Variants in MMP2 observed in about 807,000 individuals in gnomAD.
MMP2 encodes matrix metallopeptidase 2.
A neutral mutation model predicts 74.8 loss-of-function variants in MMP2; 39 were observed. That is an observed-to-expected ratio of 0.52 (90% CI 0.40 to 0.68). The LOEUF (loss-of-function observed/expected upper bound fraction) is 0.68. Among genes scored for constraint, MMP2 ranks in the 30% least tolerant of loss-of-function variants. The probability of loss-of-function intolerance (pLI) is 0.00; values close to 1 mark genes in which losing one functional copy is unlikely to be tolerated. For missense variants in MMP2, 803 were observed against 878.3 expected, an observed-to-expected ratio of 0.91 and a Z score of 1.08; for synonymous variants, 367 against 339.8, an observed-to-expected ratio of 1.08 and a Z score of -0.88.
At chr16:55,483,330 C>T (rs1962156645) in intron 2 of MMP2, among the ~76,000 whole-genome samples, 195 bp downstream of exon 2, 1 of 152,174 alleles carries the variant, frequency 6.6e-6, no homozygotes, top group Non-Finnish European at 1.5e-5. Context: ...GGCCATGAGA[C>T]ATTGGGTTAC....
chr16:55,494,085 C>T (rs1437339647), intron 9 of MMP2, among the ~76,000 whole-genome samples: 1 of 152,190 alleles, frequency 6.6e-6, no homozygotes. Flanking sequence ...CATCCATCAT[C>T]CATCCAGCCA....
chr16:55,480,791 A>G (rs1055837714), intron 1 of MMP2, among the ~76,000 whole-genome samples: 4 of 151,736 alleles, frequency 2.6e-5, no homozygotes, highest in Admixed American at 6.6e-5. Context: ...CCCTCTCCCA[A>G]CTCTCACCCT....
At position 55,505,322 on chromosome 16, in the gene MMP2, T is replaced by C; in HGVS notation, c.1880-17T>C. 9 of 1,608,878 alleles carry C rather than the reference T, an allele frequency of 5.6e-6. 1 individual carries two copies. Among genetic ancestry groups the C allele is most frequent in the Non-Finnish European group, 7.7e-6 (9 of 1,175,210 alleles). ...GTCAGGATAAGGGGGTCACGGTCTC[T>C]TCTTTCTCTATCCCAGGTCACAGCT... On this transcript the variant is annotated splice_polypyrimidine_tract_variant and intron_variant, in intron 12 of 12. Transcript: ENST00000219070.
At position 55,479,318 on chromosome 16, in the gene MMP2, C is replaced by G; in HGVS notation, c.-162C>G. 1 of 799,726 alleles carries G rather than the reference C, an allele frequency of 1.3e-6. No individual in the cohort carries two copies. Among genetic ancestry groups the G allele is most frequent in the Non-Finnish European group, 1.7e-6 (1 of 598,816 alleles). 49.5% of individuals were successfully genotyped at this position (799,726 alleles called of 1,614,324 possible). On this transcript the variant is annotated 5_prime_UTR_variant, in exon 1 of 13. Coordinates refer to ENST00000219070, the MANE Select transcript of MMP2 (RefSeq NM_004530.6). ...GCGGCGGGGGCTGGGGCGCGGGGGC[C>G]GGACCATGAGCCGCTGAGCCGGGCA...
At chr16:55,496,616 GCACT>G (rs1314745799) in intron 9 of MMP2, among the ~76,000 whole-genome samples, 3 of 152,146 alleles carry the variant, frequency 2.0e-5, no homozygotes, top group Non-Finnish European at 4.4e-5. Flanking sequence ...ACTGTTCCAG[GCACT>G]CAGAGTTGAT....
Position 55,479,446 on chromosome 16 carries a change from C to A in MMP2, c.-34C>A. 6.8e-7 allele frequency: 1 copy of A among 1,464,744 alleles called. No individual in the cohort carries two copies. The highest frequency in any genetic ancestry group is 9.0e-7 in the Non-Finnish European group (1 of 1,112,744). 90.7% of individuals were successfully genotyped at this position (1,464,744 alleles called of 1,614,324 possible). On this transcript the variant is annotated 5_prime_UTR_variant, in exon 1 of 13. Transcript: ENST00000219070. ...CGGCCACACGCACCGAGCCAGCGACCCCCGGGCGACGCGCGGGGCCAGGGA... is the reference window on the plus strand; with the variant it reads ...CGGCCACACGCACCGAGCCAGCGACACCCGGGCGACGCGCGGGGCCAGGGA...
Position 55,493,242 on chromosome 16 carries a change from T to A in MMP2, c.1421T>A (p.Val474Glu). ...VTPEICKQDI[V>E]FDGIAQIRGE... ...CCTGAGATCTGCAAACAGGACATTG[T>A]ATTTGATGGCATCGCTCAGATCCGT... Residue 474 changes from valine (V) to glutamate (E), a missense_variant, in exon 9 of 13, where the codon GTA becomes GAA. This residue lies in a region of MMP2 where 555 missense variants were observed against 592.0 expected (regional missense o/e 0.94). Coordinates refer to ENST00000219070, the MANE Select transcript of MMP2 (RefSeq NM_004530.6). 6.2e-7 allele frequency: 1 copy of A among 1,614,168 alleles called. No individual in the cohort carries two copies. Among genetic ancestry groups the A allele is most frequent in the Non-Finnish European group, 8.5e-7 (1 of 1,180,034 alleles).
intron 9 of MMP2, 89 bp from the exon 10 acceptor site, chr16:55,496,837 A>T (rs1433470409): frequency 1.6e-5 from 25 of 1,548,646 alleles, no homozygotes; most frequent in Admixed American, 1.7e-5. Flanking sequence ...CATCTCTGGG[A>T]TGTTTCTGGG....
At chr16:55,490,972 C>T (rs17859930) in intron 7 of MMP2, among the ~76,000 whole-genome samples, 53,531 of 151,804 alleles carry the variant, frequency 0.35, 10,336 homozygotes, top group Non-Finnish European at 0.44. Flanking sequence ...AAAATCACGG[C>T]GTCAGTAAGG....
At chr16:55,505,307 G>A (rs1359481116) in intron 12 of MMP2, 32 bp from the exon 13 acceptor site, 1 of 1,561,880 alleles carries the variant, frequency 6.4e-7, no homozygotes, top group East Asian at 2.2e-5. Flanking sequence ...GTCAGGATAA[G>A]GGGGTCACGG....
intron 12 of MMP2, 42 bp downstream of exon 12, chr16:55,502,930 C>A: frequency 6.6e-7 from 1 of 1,515,280 alleles, no homozygotes. Context: ...GGACTCCCCG[C>A]CCCTAGCCAG....
intron 7 of MMP2, 23 bp from the exon 8 acceptor site, chr16:55,491,778 T>G: frequency 6.2e-7 from 1 of 1,614,064 alleles, no homozygotes. Flanking sequence ...CTTTCAACCC[T>G]CTCTCCTCCC....
chr16:55,489,504 G>T, intron 6 of MMP2, 147 bp from the exon 7 acceptor site: 2 of 940,296 alleles, frequency 2.1e-6, no homozygotes, highest in Admixed American at 3.4e-5. Context: ...GCTGTTGTCA[G>T]GGGTGGGTGA....
At chr16:55,500,113 CTT>C (rs1158763058) in intron 11 of MMP2, among the ~76,000 whole-genome samples, 2 of 152,092 alleles carry the variant, frequency 1.3e-5, no homozygotes, top group Non-Finnish European at 2.9e-5. Flanking sequence ...TGCTAAGACA[CTT>C]AGCAACCTAA....
rs1962395147 is a variant in MMP2, at chr16:55,491,122, TGGCATGATCTC to T, written c.1181-675_1181-665del. Among the ~76,000 whole-genome samples, 4 of 151,374 alleles carry T rather than the reference TGGCATGATCTC, an allele frequency of 2.6e-5. No homozygotes were observed. The South Asian group carries it at 6.3e-4, about 24-fold the overall frequency. ...TTGCTCTTGCCCAGCTGGAGTGCAG[TGGCATGATCTC>T]GGCTCACTGCAACCTCTGCCTCCTG... is the stretch of plus-strand genomic sequence containing the variant. On this transcript the variant is annotated intron_variant, in intron 7 of 12. Coordinates refer to ENST00000219070, the MANE Select transcript of MMP2 (RefSeq NM_004530.6).
intron 3 of MMP2, 51 bp downstream of exon 3, chr16:55,484,215 C>G (rs17859874): frequency 1.8e-5 from 29 of 1,592,456 alleles, no homozygotes; most frequent in Middle Eastern, 1.7e-4. Context: ...AGTGTTGAGA[C>G]GAGGGGGTGA....
At chr16:55,500,538 C>CACACACAG (rs1227112652) in intron 11 of MMP2, among the ~76,000 whole-genome samples, 37 of 147,744 alleles carry the variant, frequency 2.5e-4, no homozygotes, top group African/African-American at 8.4e-4. Flanking sequence ...CACACACACA[C>CACACACAG]AGGCATGGAG....
chr16:55,491,742 G>C (rs916350765), intron 7 of MMP2, 59 bp from the exon 8 acceptor site: 49 of 1,601,846 alleles, frequency 3.1e-5, no homozygotes, highest in Non-Finnish European at 3.2e-5. Context: ...GTCAGGTCTT[G>C]ACTTCTCTCT....
intron 1 of MMP2, chr16:55,479,985 G>C (rs17859839): frequency 6.8e-6 from 2 of 294,896 alleles, no homozygotes; most frequent in South Asian, 3.8e-5. Flanking sequence ...TGGCGGGGGG[G>C]GGGGGCGGTC....
Sources: gnomAD v4.1 joint callset for allele counts (sites outside exome capture counted in the v4.1 genomes callset) on GRCh38, gnomAD v4.1.1 for gene constraint, gnomAD v4.1.1 regional missense constraint, MANE v1.5 for transcripts, NCBI Gene and HGNC (gene_info 2026-07-23, HGNC 2026-07-21) for gene names.